RPGRIP1: variants seen among roughly 807,000 people sequenced by gnomAD.
RPGRIP1 encodes X-linked retinitis pigmentosa GTPase regulator-interacting protein 1.
Under a neutral mutation model 157.9 loss-of-function variants are expected in RPGRIP1, and 128 were observed. The ratio of observed to expected loss-of-function variants is 0.81; its 90% CI spans 0.70 to 0.94. The LOEUF (loss-of-function observed/expected upper bound fraction) is 0.94. Ranked by LOEUF, RPGRIP1 falls within the 40% of genes least tolerant of loss-of-function variation. The probability of loss-of-function intolerance (pLI) is 0.00; values close to 1 mark genes in which losing one functional copy is unlikely to be tolerated. For missense variants in RPGRIP1, 1,486 were observed against 1,545.8 expected (o/e 0.96, Z 0.65); for synonymous variants, 554 against 571.6 (o/e 0.97, Z 0.44).
chr14:21,314,811 C>T (rs1881701803), intron 10 of RPGRIP1, among the ~76,000 whole-genome samples: 1 of 151,712 alleles, frequency 6.6e-6, no homozygotes, highest in Non-Finnish European at 1.5e-5. Flanking sequence ...TGCCTGAGCA[C>T]AGGAGTGTGA....
rs372835713 is a variant in RPGRIP1 at position 21,307,117 on chromosome 14, G to A, written c.801-614G>A. Among the ~76,000 whole-genome samples, 104 of 152,074 alleles carry A rather than the reference G, an allele frequency of 6.8e-4. No homozygotes were observed. In the South Asian group the frequency reaches 0.012, roughly 18 times the overall value. ...GACAGAATCTCACTCTGTTGCCTAA[G>A]CTGATTTCAGCTCACTGCAACCTCC... is the stretch of plus-strand genomic sequence containing the variant. On this transcript the variant is annotated intron_variant, in intron 6 of 24. Transcript: ENST00000400017.
intron 10 of RPGRIP1, among the ~76,000 whole-genome samples, chr14:21,316,911 G>A (rs1257859641): frequency 6.6e-6 from 1 of 152,024 alleles, no homozygotes; most frequent in Admixed American, 6.6e-5. Flanking sequence ...CCTGAGGTCA[G>A]GAGTTCAAGA....
intron 21 of RPGRIP1, among the ~76,000 whole-genome samples, chr14:21,340,186 TAA>T (rs1238688901): frequency 2.6e-5 from 4 of 152,052 alleles, no homozygotes; most frequent in African/African-American, 4.8e-5. Flanking sequence ...AAAAGAAAAT[TAA>T]AGTTTCTCTT....
rs1375387334 is a variant in RPGRIP1 at position 21,301,025 on chromosome 14, A to C, written c.278A>C (p.Glu93Ala). The change falls in exon 4 of 25, where the codon GAG becomes GCG. Residue 93 changes from glutamate to alanine, a missense_variant. By Grantham distance (107) the Glu-to-Ala change is moderately radical (BLOSUM62 -1). Coordinates refer to ENST00000400017, the MANE Select transcript of RPGRIP1 (RefSeq NM_020366.4). ...AAGRDLRVAEEAAPLSETARR... is the reference protein window; with the variant it reads ...AAGRDLRVAEAAAPLSETARR... ...GGCCGGGACCTGCGGGTCGCGGAGG[A>C]GGCGGCGCCGCTCTCGGAGACCGCA... The C allele has an allele frequency of 6.2e-7, 1 of 1,612,428 alleles. No individual in the cohort carries two copies. Among genetic ancestry groups the C allele is most frequent in the South Asian group, 1.1e-5 (1 of 91,044 alleles).
At position 21,312,157 on chromosome 14, in the gene RPGRIP1, T is replaced by C. The variant is rs8021536; in HGVS notation, c.1077+187T>C. Among the ~76,000 whole-genome samples, 82,152 of 152,090 alleles carry C rather than the reference T, an allele frequency of 0.54. 22,243 individuals carry two copies. Among genetic ancestry groups the C allele is most frequent in the South Asian group, 0.61 (2,965 of 4,830 alleles). On this transcript the variant is annotated intron_variant, in intron 9 of 24. Coordinates refer to ENST00000400017, the MANE Select transcript of RPGRIP1 (RefSeq NM_020366.4). The stretch of plus-strand genomic sequence containing the variant: ...TTGGATTTGTACTTATGTCTGTTTT[T>C]CAAAGTCCTTGCTCTTTCATAATGT...
At chr14:21,323,818 C>T (rs992575428) in intron 14 of RPGRIP1, 15 of 151,598 alleles carry the variant, frequency 9.9e-5, no homozygotes, top group African/African-American at 3.2e-4. Context: ...GAAGACATTC[C>T]GATGTGTCCA....
At chr14:21,351,039 C>T (rs759153655) in intron 24 of RPGRIP1, 65 bp from the exon 25 acceptor site, 2 of 875,544 alleles carry the variant, frequency 2.3e-6, no homozygotes, top group Middle Eastern at 2.2e-4. Context: ...CAGTACCTAA[C>T]CTGACAAATA....
At chr14:21,302,450 C>G (rs1324435666) in intron 4 of RPGRIP1, 38 bp from the exon 5 acceptor site, 1 of 1,217,756 alleles carries the variant, frequency 8.2e-7, no homozygotes, top group Non-Finnish European at 1.1e-6. Flanking sequence ...CCGGAGGGTA[C>G]TGTTGCCCGA....
chr14:21,283,611 G>A (rs1301158815), intron 1 of RPGRIP1, among the ~76,000 whole-genome samples: 1 of 150,014 alleles, frequency 6.7e-6, no homozygotes, highest in Non-Finnish European at 1.5e-5. Context: ...CCTATATATG[G>A]TACTTCAAAT....
rs60849185 is a variant in RPGRIP1 at position 21,310,240 on chromosome 14, CT to C, written c.907-334del. 1.6e-4 allele frequency among the ~76,000 whole-genome samples: 24 copies of C among 146,594 alleles called. 2 individuals are homozygous for C. The highest frequency in any genetic ancestry group is 1.8e-4 in the Non-Finnish European group (12 of 66,232). On this transcript the variant is annotated intron_variant, in intron 7 of 24. Transcript: ENST00000400017. ...AATTATAGCTGTTGTTATGATCATT[CT>C]TTTTTTTTTACTAAAACTGAAGAGA...
rs1010355460 is a variant in RPGRIP1 at position 21,307,819 on chromosome 14, T to C, written c.889T>C (p.Leu297=). ...NASLVMTKAQ[L]TEVQEAYETL... ...TTCATTGGTTATGACAAAAGCACAA[T>C]TAACAGAAGTTCAAGAGGTGAGTTG... Residue 297 remains leucine, a synonymous_variant, in exon 7 of 25, where the codon TTA becomes CTA. Transcript: ENST00000400017. The C allele has an allele frequency of 1.0e-5, 16 of 1,558,750 alleles. No individual in the cohort carries two copies. In the Admixed American group the frequency reaches 2.5e-4, roughly 25 times the overall value.
intron 7 of RPGRIP1, among the ~76,000 whole-genome samples, chr14:21,309,848 G>A (rs967887799): frequency 9.9e-5 from 15 of 151,812 alleles, no homozygotes; most frequent in African/African-American, 3.4e-4. Flanking sequence ...AAAAAAGTTT[G>A]GGAGGCTGAG....
At chr14:21,300,816 G>T in intron 3 of RPGRIP1, 150 bp from the exon 4 acceptor site, 1 of 874,416 alleles carries the variant, frequency 1.1e-6, no homozygotes. Context: ...AGTGTACTGG[G>T]GACAGAAGGC....
rs142794121 is a variant in RPGRIP1, at chr14:21,347,656, T to C, written c.3618-516T>C. Among the ~76,000 whole-genome samples, 472 of 152,312 alleles carry C rather than the reference T, an allele frequency of 3.1e-3. 4 individuals are homozygous for C. The highest frequency in any genetic ancestry group is 7.9e-3 in the African/African-American group (330 of 41,564). On this transcript the variant is annotated intron_variant, in intron 23 of 24. Coordinates refer to ENST00000400017, the MANE Select transcript of RPGRIP1 (RefSeq NM_020366.4). ...TCAAGAATAGGCAAATCCAGAGAGA[T>C]AGAAAGTAGATTAGTGGTTCAGGAG...
intron 21 of RPGRIP1, among the ~76,000 whole-genome samples, chr14:21,342,251 G>C (rs1409226337): frequency 2.0e-5 from 3 of 151,998 alleles, no homozygotes; most frequent in Non-Finnish European, 2.9e-5. Flanking sequence ...TTTTCATGAA[G>C]AACACTGTGG....
At chr14:21,320,322 C>T in intron 12 of RPGRIP1, 145 bp downstream of exon 12, 1 of 786,400 alleles carries the variant, frequency 1.3e-6, no homozygotes, top group Non-Finnish European at 2.0e-6. Context: ...GACAGAGTCT[C>T]GCTGTCGCCC....
rs759969491 is a variant in RPGRIP1 at position 21,321,978 on chromosome 14, T to C, written c.1736T>C (p.Leu579Ser). 2.2e-5 allele frequency: 36 copies of C among 1,613,666 alleles called. No homozygotes were observed. The highest frequency in any genetic ancestry group is 3.1e-5 in the Non-Finnish European group (36 of 1,179,758). ...NNRIKQLEGI[L>S]RSHDLPTSEQ... is the part of the protein sequence containing the mutation. ...CGTATCAAGCAGCTGGAAGGTATTT[T>C]AAGAAGCCATGACCTTCCAACATCT... Residue 579 changes from leucine (L) to serine (S), a missense_variant, in exon 14 of 25, where the codon TTA becomes TCA. Leu to Ser is a moderately radical substitution (Grantham distance 145). Coordinates refer to ENST00000400017, the MANE Select transcript of RPGRIP1 (RefSeq NM_020366.4).
intron 3 of RPGRIP1, 52 bp downstream of exon 3, chr14:21,294,861 T>TTTTTTG: frequency 1.1e-6 from 1 of 935,612 alleles, no homozygotes; most frequent in Admixed American, 4.6e-5. Context: ...TTTTTTTTTT[T>TTTTTTG]TGAGACGGAG....
chr14:21,297,322 T>G (rs1880829272), intron 3 of RPGRIP1, among the ~76,000 whole-genome samples: 1 of 152,128 alleles, frequency 6.6e-6, no homozygotes, highest in Admixed American at 6.6e-5. Context: ...CTCGAACTCC[T>G]TTCCTCAAGT....
Sources: allele counts gnomAD v4.1 joint callset (sites outside exome capture counted in the v4.1 genomes callset), GRCh38; gene constraint gnomAD v4.1.1; transcripts MANE v1.5; gene names NCBI Gene and HGNC (gene_info 2026-07-23, HGNC 2026-07-21).